The following PRKAR1B variants were observed in gnomAD, a reference collection of about 807,000 sequenced individuals.
PRKAR1B encodes the protein cAMP-dependent protein kinase type I-beta regulatory subunit.
In PRKAR1B, 22 loss-of-function variants were observed where a neutral mutation model predicts 46.5. That is an observed-to-expected ratio of 0.47 (90% CI 0.34 to 0.68). The LOEUF (loss-of-function observed/expected upper bound fraction) is 0.68. Among genes scored for constraint, PRKAR1B ranks in the 30% least tolerant of loss-of-function variants. PRKAR1B has a pLI of 0.01. For synonymous variants in PRKAR1B, 259 were observed against 217.7 expected, an observed-to-expected ratio of 1.19 and a Z score of -1.67; for missense variants, 445 against 535.6, an observed-to-expected ratio of 0.83 and a Z score of 1.67.
intron 4 of PRKAR1B, among the ~76,000 whole-genome samples, chr7:670,999 A>G (rs1786220638): frequency 6.6e-6 from 1 of 152,226 alleles, no homozygotes; most frequent in African/African-American, 2.4e-5. Context: ...CGGCGCTCTC[A>G]GTGACCCCAG....
chr7:617,766 C>T (rs1782910087), intron 4 of PRKAR1B, among the ~76,000 whole-genome samples: 1 of 152,202 alleles, frequency 6.6e-6, no homozygotes, highest in East Asian at 1.9e-4. Context: ...GCACTAGGCC[C>T]CTCCCGGAGC....
intron 4 of PRKAR1B, among the ~76,000 whole-genome samples, chr7:639,166 G>A (rs550315309): frequency 9.8e-5 from 15 of 152,288 alleles, no homozygotes; most frequent in Admixed American, 2.6e-4. Context: ...GAAAAGGAAC[G>A]GAGTAGGGGG....
At chr7:660,326 C>T (rs1210873052) in intron 4 of PRKAR1B, among the ~76,000 whole-genome samples, 1 of 152,020 alleles carries the variant, frequency 6.6e-6, no homozygotes, top group African/African-American at 2.4e-5. Context: ...GACACCTCCC[C>T]GGGTGCCACA....
chr7:628,995 C>G (rs959100185), intron 4 of PRKAR1B, among the ~76,000 whole-genome samples: 1 of 152,218 alleles, frequency 6.6e-6, no homozygotes, highest in African/African-American at 2.4e-5. Flanking sequence ...GCCCGTGCCA[C>G]TCCGCCACCG....
At position 680,195 on chromosome 7, in the gene PRKAR1B, G is replaced by A. The variant is rs143155730; in HGVS notation, c.348+361C>T. Among the ~76,000 whole-genome samples, 413 of 151,552 alleles carry A rather than the reference G, an allele frequency of 2.7e-3. 4 individuals are homozygous for A. Among genetic ancestry groups the A allele is most frequent in the African/African-American group, 9.7e-3 (399 of 41,328 alleles). On this transcript the variant is annotated intron_variant, in intron 3 of 10. Coordinates refer to ENST00000537384, the MANE Select transcript of PRKAR1B (RefSeq NM_001164760.2). ...AAAAAAAAAGAGAGAGACCAGAGAG[G>A]CTGCAGGAGCATGGGAGGCACACAG...
chr7:611,669 G>A (rs150898964), intron 4 of PRKAR1B, among the ~76,000 whole-genome samples: 5 of 152,366 alleles, frequency 3.3e-5, no homozygotes, highest in East Asian at 1.9e-4. Context: ...CGGGTCTGAC[G>A]CAGAAGCTCC....
At chr7:592,787 C>T (rs1261346178) in intron 7 of PRKAR1B, among the ~76,000 whole-genome samples, 1 of 152,220 alleles carries the variant, frequency 6.6e-6, no homozygotes, top group Non-Finnish European at 1.5e-5. Context: ...AGACCCAGCA[C>T]TGTGGGAGGC....
chr7:556,184 C>T lies in PRKAR1B; in HGVS notation c.892-4714G>A, dbSNP rs574462474. ...ACCACCATGAAGCCCCTGACCAGAA[C>T]ACAGCTCAGGTGGGGGCATTCGTGC... On this transcript the variant is annotated intron_variant, in intron 9 of 10. Transcript: ENST00000537384. Among the ~76,000 whole-genome samples, 208 of 152,306 alleles carry T rather than the reference C, an allele frequency of 1.4e-3. 1 individual carries two copies. The highest frequency in any genetic ancestry group is 4.9e-3 in the African/African-American group (205 of 41,562).
At chr7:586,213 T>C (rs531320746) in intron 7 of PRKAR1B, among the ~76,000 whole-genome samples, 1 of 152,286 alleles carries the variant, frequency 6.6e-6, no homozygotes, top group African/African-American at 2.4e-5. Context: ...AAGACACTGT[T>C]ATTTTGAGTA....
rs144682205 is a variant in PRKAR1B, at chr7:596,593, C to T, written c.550-289G>A. The stretch of plus-strand genomic sequence containing the variant: ...ATGAGACAACCACACCAGAGGCGGA[C>T]GCACCCGGCCCCCGCTCTGCGGCAC... On this transcript the variant is annotated intron_variant, in intron 6 of 10. Transcript: ENST00000537384. 4.3e-3 allele frequency among the ~76,000 whole-genome samples: 662 copies of T among 152,346 alleles called. 8 individuals carry two copies. The highest frequency in any genetic ancestry group is 0.015 in the African/African-American group (631 of 41,582).
In PRKAR1B at chr7:714,295, G is replaced by T. The variant is rs1189059162; in HGVS notation, c.-22-2768C>A. On this transcript the variant is annotated intron_variant, in intron 1 of 10. Coordinates refer to ENST00000537384, the MANE Select transcript of PRKAR1B (RefSeq NM_001164760.2). The surrounding 1 kb of genome is among the most constrained non-coding windows in gnomAD (Gnocchi z 4.3). ...ACCGTGCCTCTAGAGGAGAGTGGAG[G>T]CACCTCTCTGGCTGACCTCACAGGA... 1.3e-5 allele frequency among the ~76,000 whole-genome samples: 2 copies of T among 152,168 alleles called. No individual in the cohort carries two copies. The highest frequency in any genetic ancestry group is 2.4e-5 in the African/African-American group (1 of 41,448).
At chr7:677,365 A>T (rs1397118505) in intron 3 of PRKAR1B, 45 bp from the exon 4 acceptor site, 1 of 1,558,992 alleles carries the variant, frequency 6.4e-7, no homozygotes, top group Non-Finnish European at 8.9e-7. Context: ...CCCTGGCCTG[A>T]TGCTGTGACG....
intron 4 of PRKAR1B, among the ~76,000 whole-genome samples, chr7:648,005 G>C (rs761572031): frequency 7.9e-5 from 12 of 151,730 alleles, no homozygotes; most frequent in Non-Finnish European, 1.5e-4. Flanking sequence ...AATTAGCCGG[G>C]TGTGGTGGTG....
chr7:657,182 T>C (rs1038549965), intron 4 of PRKAR1B, among the ~76,000 whole-genome samples: 20 of 151,976 alleles, frequency 1.3e-4, no homozygotes, highest in African/African-American at 4.8e-4. Flanking sequence ...CATGAGTGAA[T>C]GTGTGGATGG....
At chr7:575,073 G>A (rs780519834) in intron 9 of PRKAR1B, among the ~76,000 whole-genome samples, 9 of 152,230 alleles carry the variant, frequency 5.9e-5, no homozygotes, top group Non-Finnish European at 8.8e-5. Context: ...TGAAGTCAGC[G>A]ACTTAAACCA....
At chr7:711,605 C>G (rs1451425212) in intron 1 of PRKAR1B, 78 bp from the exon 2 acceptor site, 11 of 1,294,990 alleles carry the variant, frequency 8.5e-6, no homozygotes, top group Non-Finnish European at 1.1e-5. Context: ...GCGGCGTGAA[C>G]CAGGCTTCTC....
chr7:727,281 C>G lies in PRKAR1B; in HGVS notation c.-94G>C. 1 of 1,310,868 alleles carries G rather than the reference C, an allele frequency of 7.6e-7. No homozygotes were observed. Among genetic ancestry groups the G allele is most frequent in the Non-Finnish European group, 9.7e-7 (1 of 1,034,172 alleles). 81.2% of individuals were successfully genotyped at this position (1,310,868 alleles called of 1,614,324 possible). On this transcript the variant is annotated 5_prime_UTR_variant, in exon 1 of 11. Transcript: ENST00000537384. ...TCGCCGCCGTGCGCCGCGAGAGCTG[C>G]AGCTGCGCCGCCGCCCTGGCGCAGG...
intron 4 of PRKAR1B, among the ~76,000 whole-genome samples, chr7:655,779 CAT>C (rs546674055): frequency 1.8e-4 from 28 of 152,148 alleles, no homozygotes; most frequent in Non-Finnish European, 3.2e-4. Context: ...CCAACTGCCA[CAT>C]ATGATTCAGA....
At chr7:693,221 C>T (rs1248220097) in intron 2 of PRKAR1B, among the ~76,000 whole-genome samples, 1 of 151,226 alleles carries the variant, frequency 6.6e-6, no homozygotes, top group Admixed American at 6.6e-5. Context: ...AGGTGAGAGC[C>T]AGTGGGTCCT....
Sources: allele counts gnomAD v4.1 joint callset (sites outside exome capture counted in the v4.1 genomes callset), GRCh38; gene constraint gnomAD v4.1.1; non-coding constraint Gnocchi (gnomAD v3.1); transcripts MANE v1.5; gene names NCBI Gene and HGNC (gene_info 2026-07-23, HGNC 2026-07-21).